FAM219A: variants seen among roughly 807,000 people sequenced by gnomAD.
FAM219A encodes family with sequence similarity 219 member A, also known as protein FAM219A.
Under a neutral mutation model 23.4 loss-of-function variants are expected in FAM219A, and 7 were observed. The observed-to-expected ratio is 0.30, with a 90% CI of 0.17 to 0.56. FAM219A has a LOEUF of 0.56. FAM219A is among the 20% of genes least tolerant of loss of function. The pLI is 0.92. For missense variants in FAM219A, 166 were observed against 246.9 expected (o/e 0.67, Z 2.20); for synonymous variants, 93 against 99.0 (o/e 0.94, Z 0.36).
chr9:34,411,690 A>G (rs1266579065), intron 1 of FAM219A, among the ~76,000 whole-genome samples: 2 of 106,596 alleles, frequency 1.9e-5, no homozygotes, highest in East Asian at 3.1e-4. Context: ...AAAAAAAAAA[A>G]AAAGAAAGAA....
At chr9:34,428,950 C>T (rs1475572781) in intron 1 of FAM219A, among the ~76,000 whole-genome samples, 1 of 152,220 alleles carries the variant, frequency 6.6e-6, no homozygotes, top group Non-Finnish European at 1.5e-5. Flanking sequence ...AGATCCTCTG[C>T]ACATTTTTTC....
chr9:34,437,455 C>T (rs1822964071), intron 1 of FAM219A, among the ~76,000 whole-genome samples: 1 of 152,174 alleles, frequency 6.6e-6, no homozygotes, highest in Non-Finnish European at 1.5e-5. Context: ...TGAAGCGTGG[C>T]TTCTTGGGGC....
At chr9:34,420,282 T>C (rs893934879) in intron 1 of FAM219A, among the ~76,000 whole-genome samples, 1 of 152,150 alleles carries the variant, frequency 6.6e-6, no homozygotes, top group Non-Finnish European at 1.5e-5. Flanking sequence ...CAGGAATGCA[T>C]GGAGGGTGGT....
At chr9:34,419,673 T>C (rs1266099722) in intron 1 of FAM219A, among the ~76,000 whole-genome samples, 2 of 152,150 alleles carry the variant, frequency 1.3e-5, no homozygotes, top group African/African-American at 4.8e-5. Flanking sequence ...TGTGGATTCT[T>C]GTCTGAATCT....
intron 4 of FAM219A, 82 bp from the exon 5 acceptor site, chr9:34,401,802 G>T: frequency 7.0e-7 from 1 of 1,425,584 alleles, no homozygotes; most frequent in Non-Finnish European, 9.7e-7. Flanking sequence ...CCATTAGGCA[G>T]CATCCTATAC....
At chr9:34,438,669 A>C (rs1009510003) in intron 1 of FAM219A, among the ~76,000 whole-genome samples, 4 of 152,176 alleles carry the variant, frequency 2.6e-5, no homozygotes, top group South Asian at 2.1e-4. Context: ...TGAATGCACC[A>C]ATCAACACTG....
intron 1 of FAM219A, among the ~76,000 whole-genome samples, chr9:34,438,101 C>A (rs1156375536): frequency 2.0e-5 from 3 of 152,222 alleles, no homozygotes; most frequent in African/African-American, 7.2e-5. Context: ...CTGGGTCCCA[C>A]AGCAGTGCCA....
intron 3 of FAM219A, 90 bp downstream of exon 3, chr9:34,402,615 C>T: frequency 6.4e-7 from 1 of 1,558,460 alleles, no homozygotes; most frequent in Admixed American, 1.7e-5. Context: ...AGGAGCTGGG[C>T]CTGAGGAGGG....
intron 1 of FAM219A, among the ~76,000 whole-genome samples, chr9:34,442,016 C>T (rs1823193158): frequency 6.6e-6 from 1 of 152,172 alleles, no homozygotes; most frequent in South Asian, 2.1e-4. Context: ...TATGCCTAGC[C>T]AACTTTTATA....
At chr9:34,437,010 C>A (rs1469744634) in intron 1 of FAM219A, among the ~76,000 whole-genome samples, 1 of 152,170 alleles carries the variant, frequency 6.6e-6, no homozygotes, top group Non-Finnish European at 1.5e-5. Context: ...ATTCATCAGT[C>A]CTAATTTCCC....
chr9:34,435,886 A>G (rs374944165), intron 1 of FAM219A, among the ~76,000 whole-genome samples: 1 of 151,898 alleles, frequency 6.6e-6, no homozygotes, highest in South Asian at 2.1e-4. Flanking sequence ...GCTCACTGCA[A>G]CCCCTGCCTT....
chr9:34,413,588 C>A (rs184169018), intron 1 of FAM219A, among the ~76,000 whole-genome samples: 1 of 152,298 alleles, frequency 6.6e-6, no homozygotes, highest in Admixed American at 6.5e-5. Flanking sequence ...TTTAGAGTGA[C>A]GTATGAAGAA....
chr9:34,444,606 T>C (rs142747020), intron 1 of FAM219A, among the ~76,000 whole-genome samples: 200 of 152,264 alleles, frequency 1.3e-3, no homozygotes, highest in African/African-American at 4.6e-3. Flanking sequence ...CCCTTACTTC[T>C]GAAAATGTAC....
rs1564023281 is a variant in FAM219A, at chr9:34,458,387, G to T, written c.-124C>A. ...CTAGGCCTCCCCGGACCACTCGGGC[G>T]GGCAGGGGCCGGGCGGATGCAGGGG... On this transcript the variant is annotated 5_prime_UTR_variant, in exon 1 of 6. Coordinates refer to ENST00000651358, the MANE Select transcript of FAM219A (RefSeq NM_001184940.2). This position sits in a 1 kb window ranked among gnomAD's most constrained non-coding sequence, Gnocchi z 6.6. 5 of 594,180 alleles carry T rather than the reference G, an allele frequency of 8.4e-6. No homozygotes were observed. The South Asian group carries it at 3.6e-4, about 43-fold the overall frequency. The allele number at this position is 594,180 out of a possible 1,614,324, so 36.8% of individuals were successfully genotyped here.
intron 1 of FAM219A, among the ~76,000 whole-genome samples, chr9:34,416,808 A>ATGTTCT (rs60995496): frequency 3.5e-5 from 4 of 113,636 alleles, no homozygotes; most frequent in Non-Finnish European, 5.2e-5. Flanking sequence ...TCAGCTCTCC[A>ATGTTCT]TTTTTTTTTT....
intron 1 of FAM219A, among the ~76,000 whole-genome samples, chr9:34,413,681 G>A (rs1821903946): frequency 6.6e-6 from 1 of 152,212 alleles, no homozygotes; most frequent in African/African-American, 2.4e-5. Flanking sequence ...CTAATTGGGG[G>A]AGGCAGTTCT....
chr9:34,449,937 T>C (rs1823501537), intron 1 of FAM219A, among the ~76,000 whole-genome samples: 1 of 152,182 alleles, frequency 6.6e-6, no homozygotes, highest in South Asian at 2.1e-4. Context: ...CAGAATACTA[T>C]AGGAAATGCT....
In FAM219A at chr9:34,401,051, C is replaced by CTCGGGA; in HGVS notation, c.470_471insTCCCGA (p.Asp156_Glu157insAspPro). On this transcript the variant is annotated inframe_insertion, in exon 6 of 6. Transcript: ENST00000651358. The stretch of plus-strand genomic sequence containing the variant: ...ACTTGGGGGGGATGAGGTCTAGGTC[C>CTCGGGA]TCGTCGTCGGGGATCTCATCTAACC... 6.2e-7 allele frequency: 1 copy of CTCGGGA among 1,611,850 alleles called. No homozygotes were observed. Among genetic ancestry groups the CTCGGGA allele is most frequent in the Non-Finnish European group, 8.5e-7 (1 of 1,178,822 alleles).
intron 1 of FAM219A, among the ~76,000 whole-genome samples, chr9:34,413,056 AAAG>A: frequency 6.6e-6 from 1 of 152,168 alleles, no homozygotes. Flanking sequence ...GCTGTGTAGA[AAAG>A]GAGATGTTTG....
Sources: gnomAD v4.1 joint callset for allele counts (sites outside exome capture counted in the v4.1 genomes callset) on GRCh38, gnomAD v4.1.1 for gene constraint, Gnocchi (gnomAD v3.1) non-coding constraint, MANE v1.5 for transcripts, NCBI Gene and HGNC (gene_info 2026-07-23, HGNC 2026-07-21) for gene names.